RBFOX1: variants seen among roughly 807,000 people sequenced by gnomAD.
RBFOX1 encodes the protein RNA binding protein fox-1 homolog 1.
In RBFOX1, 8 loss-of-function variants were observed where a neutral mutation model predicts 57.7. The ratio of observed to expected loss-of-function variants is 0.14; its 90% confidence interval spans 0.08 to 0.25. The LOEUF (loss-of-function observed/expected upper bound fraction) is 0.25, where lower values mean the gene tolerates loss of function less well. Among genes scored for constraint, RBFOX1 ranks in the 10% least tolerant of loss-of-function variants. The pLI, the probability that RBFOX1 is intolerant of heterozygous loss-of-function variation, is 1.00. For missense variants in RBFOX1, 611 were observed against 548.5 expected, an observed-to-expected ratio of 1.11 and a Z score of -1.14; for synonymous variants, 326 against 222.4, an observed-to-expected ratio of 1.47 and a Z score of -4.15.
chr16:5,329,982 C>CAAA (rs71142613), intron 1 of RBFOX1, among the ~76,000 whole-genome samples: 8 of 144,696 alleles, frequency 5.5e-5, no homozygotes, highest in African/African-American at 2.2e-4. Context: ...GACTCTGTCT[C>CAAA]AAAAAAAAAA....
chr16:6,034,506 C>T (rs1374477705), intron 1 of RBFOX1, among the ~76,000 whole-genome samples: 1 of 151,952 alleles, frequency 6.6e-6, no homozygotes, highest in East Asian at 1.9e-4. Flanking sequence ...GCTGCATCTT[C>T]ATATGGTGGA....
chr16:6,600,900 C>G (rs1359282554), intron 2 of RBFOX1, among the ~76,000 whole-genome samples: 2 of 152,166 alleles, frequency 1.3e-5, no homozygotes, highest in Non-Finnish European at 2.9e-5. Flanking sequence ...GAAAAAGCCT[C>G]TAATATGACT....
chr16:5,363,343 C>T (rs1281399997), intron 1 of RBFOX1, among the ~76,000 whole-genome samples: 1 of 152,082 alleles, frequency 6.6e-6, no homozygotes, highest in African/African-American at 2.4e-5. Context: ...CCGTGTCCAG[C>T]CTATTTTGGA....
chr16:6,628,945 G>A (rs2098346877), intron 2 of RBFOX1, among the ~76,000 whole-genome samples: 1 of 152,174 alleles, frequency 6.6e-6, no homozygotes, highest in African/African-American at 2.4e-5. Flanking sequence ...CAGGAGAATT[G>A]CTTGAACCCA....
At position 7,324,306 on chromosome 16, in the gene RBFOX1, A is replaced by C. The variant is rs1603621075; in HGVS notation, c.28-193841A>C. Reference sequence around the variant, plus strand: ...GCAACTGAATGGAATTAGTACAAAAATCCTCATTTACCAGTCCTGGAGACC... The same window carrying C: ...GCAACTGAATGGAATTAGTACAAAACTCCTCATTTACCAGTCCTGGAGACC... On this transcript the variant is annotated intron_variant, in intron 4 of 15. Coordinates refer to ENST00000550418, the MANE Select transcript of RBFOX1 (RefSeq NM_018723.4). 2.0e-5 allele frequency among the ~76,000 whole-genome samples: 3 copies of C among 152,336 alleles called. No homozygotes were observed. In the East Asian group the frequency reaches 5.8e-4, roughly 29 times the overall value.
chr16:6,894,692 C>G (rs2066331373), intron 3 of RBFOX1, among the ~76,000 whole-genome samples: 1 of 152,182 alleles, frequency 6.6e-6, no homozygotes, highest in South Asian at 2.1e-4. Context: ...CTCGACCTCA[C>G]TAAAACATTC....
intron 4 of RBFOX1, among the ~76,000 whole-genome samples, chr16:7,173,920 C>T (rs1049483695): frequency 6.6e-5 from 10 of 152,144 alleles, no homozygotes; most frequent in Non-Finnish European, 1.0e-4. Context: ...GAGACCAAAA[C>T]GTATCCCACC....
chr16:6,569,732 C>G (rs1004064167), intron 2 of RBFOX1, among the ~76,000 whole-genome samples: 2 of 152,186 alleles, frequency 1.3e-5, no homozygotes, highest in South Asian at 2.1e-4. Context: ...ATTTAGTATT[C>G]TCCCTTCATT....
At chr16:5,577,846 T>C (rs996591113) in intron 2 of RBFOX1, among the ~76,000 whole-genome samples, 49 of 152,312 alleles carry the variant, frequency 3.2e-4, no homozygotes, top group African/African-American at 1.0e-3. Flanking sequence ...CTGTCAAAGG[T>C]TGATTTCTTT....
intron 3 of RBFOX1, among the ~76,000 whole-genome samples, chr16:5,813,133 G>A (rs192151721): frequency 4.0e-5 from 6 of 151,418 alleles, no homozygotes; most frequent in East Asian, 3.9e-4. Context: ...TCAGCCTCCC[G>A]AGTAGCTGGA....
At chr16:5,965,069 G>A (rs1255248618) in intron 4 of RBFOX1, among the ~76,000 whole-genome samples, 2 of 152,040 alleles carry the variant, frequency 1.3e-5, no homozygotes, top group Non-Finnish European at 2.9e-5. Flanking sequence ...TCACTTATAC[G>A]TAGAATCTAA....
At chr16:7,680,147 A>C (rs994352733) in intron 14 of RBFOX1, among the ~76,000 whole-genome samples, 1 of 152,142 alleles carries the variant, frequency 6.6e-6, no homozygotes, top group Non-Finnish European at 1.5e-5. Context: ...CAGGTCCATC[A>C]CATCAGCTTG....
intron 3 of RBFOX1, among the ~76,000 whole-genome samples, chr16:5,773,396 T>C (rs1316644368): frequency 2.6e-5 from 4 of 152,224 alleles, no homozygotes; most frequent in Non-Finnish European, 5.9e-5. Context: ...ACACATTGTT[T>C]ACATAAATGA....
intron 14 of RBFOX1, among the ~76,000 whole-genome samples, chr16:7,700,737 GACTT>G (rs893942607): frequency 3.9e-5 from 6 of 152,126 alleles, no homozygotes; most frequent in African/African-American, 7.2e-5. Flanking sequence ...CCAAAAGTGG[GACTT>G]ACTTACTGTG....
chr16:7,088,847 G>A (rs932007212), intron 4 of RBFOX1, among the ~76,000 whole-genome samples: 1 of 152,172 alleles, frequency 6.6e-6, no homozygotes, highest in Non-Finnish European at 1.5e-5. Context: ...CTCAACCTCT[G>A]TCTTTCATCA....
intron 3 of RBFOX1, among the ~76,000 whole-genome samples, chr16:6,711,127 G>T (rs1368364711): frequency 1.3e-5 from 2 of 152,178 alleles, no homozygotes; most frequent in Non-Finnish European, 2.9e-5. Flanking sequence ...AATCCCTGCT[G>T]CAGGAAATCA....
intron 3 of RBFOX1, among the ~76,000 whole-genome samples, chr16:5,610,875 A>G (rs1215739503): frequency 6.6e-6 from 1 of 151,982 alleles, no homozygotes; most frequent in Non-Finnish European, 1.5e-5. Context: ...CTGTCAAAAG[A>G]TAAAAATAAA....
At chr16:7,226,877 T>A (rs1329151752) in intron 4 of RBFOX1, among the ~76,000 whole-genome samples, 1 of 152,206 alleles carries the variant, frequency 6.6e-6, no homozygotes, top group Non-Finnish European at 1.5e-5. Flanking sequence ...CAAATGGACT[T>A]TATAACTTGC....
At chr16:6,562,639 T>C (rs1599908071) in intron 2 of RBFOX1, among the ~76,000 whole-genome samples, 1 of 152,206 alleles carries the variant, frequency 6.6e-6, no homozygotes, top group African/African-American at 2.4e-5. Flanking sequence ...TAAATACTTT[T>C]AGTTGACAAA....
Sources: gnomAD v4.1 joint callset for allele counts (sites outside exome capture counted in the v4.1 genomes callset) on GRCh38, gnomAD v4.1.1 for gene constraint, MANE v1.5 for transcripts, NCBI Gene and HGNC (gene_info 2026-07-23, HGNC 2026-07-21) for gene names.